RNF150: variants seen among roughly 807,000 people sequenced by gnomAD.
The protein encoded by RNF150 is ring finger protein 150.
Under a neutral mutation model 39.3 loss-of-function variants are expected in RNF150, and 24 were observed. The observed-to-expected ratio is 0.61, with a 90% CI of 0.44 to 0.86. RNF150 has a LOEUF of 0.86. Ranked by LOEUF, RNF150 falls within the 40% of genes least tolerant of loss-of-function variation. The probability of loss-of-function intolerance (pLI) is 0.00; values close to 1 mark genes in which losing one functional copy is unlikely to be tolerated. For missense variants in RNF150, 502 were observed against 587.8 expected (o/e 0.85, Z 1.51); for synonymous variants, 255 against 227.3 (o/e 1.12, Z -1.10).
At chr4:140,888,497 G>C (rs1318979627) in intron 6 of RNF150, among the ~76,000 whole-genome samples, 3 of 152,060 alleles carry the variant, frequency 2.0e-5, no homozygotes, top group Admixed American at 2.0e-4. Context: ...TTTGTGTTTA[G>C]AACAAAAAAC....
chr4:140,999,980 GAAGA>G (rs1734549917), intron 1 of RNF150, among the ~76,000 whole-genome samples: 1 of 25,304 alleles, frequency 4.0e-5, no homozygotes, highest in Non-Finnish European at 1.1e-4. Context: ...AAGAAGAAAA[GAAGA>G]AAAGAAGAAA....
chr4:141,121,327 C>G (rs539932844), intron 1 of RNF150, among the ~76,000 whole-genome samples: 1 of 152,300 alleles, frequency 6.6e-6, no homozygotes, highest in South Asian at 2.1e-4. Context: ...TCTCCCCAGA[C>G]AAGTGACTGT....
intron 6 of RNF150, among the ~76,000 whole-genome samples, chr4:140,898,114 A>T (rs951783790): frequency 1.3e-5 from 2 of 152,174 alleles, no homozygotes; most frequent in Non-Finnish European, 2.9e-5. Context: ...ATGGATGGAC[A>T]CATACAATTT....
At chr4:141,084,523 A>T (rs1738276873) in intron 1 of RNF150, among the ~76,000 whole-genome samples, 1 of 152,232 alleles carries the variant, frequency 6.6e-6, no homozygotes, top group Non-Finnish European at 1.5e-5. Context: ...TGGACCTTCA[A>T]AATAACGAAA....
intron 1 of RNF150, among the ~76,000 whole-genome samples, chr4:141,166,468 A>T (rs1727606037): frequency 6.6e-6 from 1 of 152,170 alleles, no homozygotes; most frequent in South Asian, 2.1e-4. Flanking sequence ...CTGATACCAA[A>T]ACCTGGCAGA....
intron 1 of RNF150, among the ~76,000 whole-genome samples, chr4:141,197,826 C>CA (rs989193823): frequency 1.7e-4 from 25 of 150,642 alleles, no homozygotes; most frequent in Non-Finnish European, 3.5e-4. Context: ...TGCAGTGAGC[C>CA]AAGATGGCAC....
At chr4:141,026,093 A>G (rs1735685284) in intron 1 of RNF150, among the ~76,000 whole-genome samples, 2 of 152,142 alleles carry the variant, frequency 1.3e-5, no homozygotes, top group South Asian at 4.1e-4. Flanking sequence ...TGACGTCTTG[A>G]TCTTAGACTC....
intron 1 of RNF150, among the ~76,000 whole-genome samples, chr4:141,118,256 TCATACC>T (rs1453109321): frequency 1.3e-5 from 2 of 152,122 alleles, no homozygotes; most frequent in Admixed American, 1.3e-4. Context: ...GAAGGTTAGG[TCATACC>T]CACCTGCATT....
intron 1 of RNF150, among the ~76,000 whole-genome samples, chr4:140,973,745 C>T (rs557680423): frequency 1.3e-4 from 20 of 151,660 alleles, no homozygotes; most frequent in African/African-American, 4.4e-4. Flanking sequence ...GGGATGGTGG[C>T]GTGTGCCTGT....
At chr4:141,209,567 T>C (rs1302459861) in intron 1 of RNF150, among the ~76,000 whole-genome samples, 2 of 152,192 alleles carry the variant, frequency 1.3e-5, no homozygotes, top group Non-Finnish European at 2.9e-5. Context: ...AAAATAACTA[T>C]GTATTTATTC....
intron 1 of RNF150, among the ~76,000 whole-genome samples, chr4:141,043,892 T>C (rs1250358419): frequency 6.6e-6 from 1 of 152,146 alleles, no homozygotes; most frequent in African/African-American, 2.4e-5. Context: ...CCCTACCCAA[T>C]GCACACCAGT....
chr4:141,082,737 CG>C (rs1738207618), intron 1 of RNF150, among the ~76,000 whole-genome samples: 1 of 151,758 alleles, frequency 6.6e-6, no homozygotes, highest in Admixed American at 6.6e-5. Context: ...TACAGGCGCC[CG>C]CCACTACGCC....
intron 2 of RNF150, among the ~76,000 whole-genome samples, chr4:140,966,673 A>G (rs1475034105): frequency 1.3e-5 from 2 of 151,950 alleles, no homozygotes; most frequent in East Asian, 3.9e-4. Flanking sequence ...AATAAAAAAA[A>G]GTTATAATAT....
At chr4:140,893,861 A>C (rs967696680) in intron 6 of RNF150, among the ~76,000 whole-genome samples, 2 of 152,216 alleles carry the variant, frequency 1.3e-5, no homozygotes, top group African/African-American at 2.4e-5. Flanking sequence ...AAAAACTAGC[A>C]ATTTTCTAGT....
upstream of RNF150, among the ~76,000 whole-genome samples, chr4:141,137,276 G>A (rs1727041820): frequency 6.6e-6 from 1 of 152,186 alleles, no homozygotes; most frequent in Admixed American, 6.5e-5. Context: ...GGTCTGTTGT[G>A]TTTTAAAAGA....
chr4:140,882,752 C>T (rs1729423287), intron 6 of RNF150, among the ~76,000 whole-genome samples: 1 of 151,464 alleles, frequency 6.6e-6, no homozygotes, highest in Non-Finnish European at 1.5e-5. Context: ...TCTCTGGTTA[C>T]CATTTACATG....
chr4:141,050,215 G>C lies in RNF150; in HGVS notation c.484+82110C>G, dbSNP rs149475002. Among the ~76,000 whole-genome samples the C allele has an allele frequency of 4.2e-3, 640 of 152,192 alleles. 3 individuals are homozygous for C. Among genetic ancestry groups the C allele is most frequent in the Admixed American group, 0.01 (159 of 15,286 alleles). On this transcript the variant is annotated intron_variant, in intron 1 of 6. Transcript: ENST00000515673. Reference sequence around the variant, plus strand: ...TGAAGAAATGAAACTGGTTGTGTGTGTGAGATTTTTATTATTTTTTTTTCC... The same window carrying C: ...TGAAGAAATGAAACTGGTTGTGTGTCTGAGATTTTTATTATTTTTTTTTCC...
At chr4:141,156,788 T>C (rs1333805162) in intron 1 of RNF150, among the ~76,000 whole-genome samples, 2 of 146,906 alleles carry the variant, frequency 1.4e-5, no homozygotes, top group African/African-American at 5.0e-5. Flanking sequence ...ATACCTGTAA[T>C]CTCAGCTACT....
At chr4:141,039,251 T>A (rs990025158) in intron 1 of RNF150, among the ~76,000 whole-genome samples, 13 of 152,042 alleles carry the variant, frequency 8.6e-5, no homozygotes, top group Admixed American at 5.2e-4. Flanking sequence ...TAGAAATTGG[T>A]ATGGAGTAAG....
Sources: allele counts gnomAD v4.1 joint callset (sites outside exome capture counted in the v4.1 genomes callset), GRCh38; gene constraint gnomAD v4.1.1; transcripts MANE v1.5; gene names NCBI Gene and HGNC (gene_info 2026-07-23, HGNC 2026-07-21).